PRRT1B: variants seen among roughly 807,000 people sequenced by gnomAD.
PRRT1B encodes proline rich transmembrane protein 1B.
rs185021120 is a variant in PRRT1B at position 131,551,164 on chromosome 9, A to G, written c.26-3393A>G. ...ACACCGTGTTAGCCAGGATGGTCTCAATCTCCTGACCTCATGATCCACCCG... is the reference window on the plus strand; with the variant it reads ...ACACCGTGTTAGCCAGGATGGTCTCGATCTCCTGACCTCATGATCCACCCG... On this transcript the variant is annotated intron_variant, in intron 1 of 3. Transcript: ENST00000636672. This position sits in a 1 kb window ranked among gnomAD's most constrained non-coding sequence, Gnocchi z 4.4. 9.7e-4 allele frequency among the ~76,000 whole-genome samples: 148 copies of G among 151,814 alleles called. No individual in the cohort carries two copies. Among genetic ancestry groups the G allele is most frequent in the African/African-American group, 3.4e-3 (139 of 41,414 alleles).
intron 1 of PRRT1B, among the ~76,000 whole-genome samples, chr9:131,548,097 C>T (rs1417234468): frequency 1.3e-5 from 2 of 152,128 alleles, no homozygotes; most frequent in South Asian, 2.1e-4. Context: ...AAGTCAATTG[C>T]GGGGATGCCT....
intron 1 of PRRT1B, among the ~76,000 whole-genome samples, chr9:131,552,443 T>C (rs1472543230): frequency 4.6e-5 from 7 of 152,254 alleles, no homozygotes; most frequent in Non-Finnish European, 1.0e-4. Flanking sequence ...GATTGTGTCC[T>C]GGACATTGTG....
intron 1 of PRRT1B, 39 bp from the exon 2 acceptor site, chr9:131,554,518 G>A (rs1461045690): frequency 7.8e-6 from 3 of 386,116 alleles, no homozygotes; most frequent in Non-Finnish European, 1.4e-5. Context: ...CACCTAGCCC[G>A]GCGGCCTCTT....
chr9:131,558,415 C>G, exon 4 of PRRT1B: 1 of 386,044 alleles, frequency 2.6e-6, no homozygotes, highest in East Asian at 3.7e-5. Flanking sequence ...ACTGGAGCCT[C>G]AGTCAGTGTC....
chr9:131,546,479 G>A (rs541751686), intron 1 of PRRT1B, among the ~76,000 whole-genome samples: 14 of 152,234 alleles, frequency 9.2e-5, no homozygotes, highest in African/African-American at 3.4e-4. Context: ...GCAGTGGGGC[G>A]GTGGCAGTGG....
chr9:131,549,531 CA>C (rs1212634061), intron 1 of PRRT1B, among the ~76,000 whole-genome samples: 19 of 152,344 alleles, frequency 1.2e-4, no homozygotes, highest in Admixed American at 8.5e-4. Flanking sequence ...GACTCCTTCC[CA>C]GATCTTCTTG....
chr9:131,546,152 C>T (rs1206212507), intron 1 of PRRT1B, among the ~76,000 whole-genome samples: 1 of 152,150 alleles, frequency 6.6e-6, no homozygotes, highest in Non-Finnish European at 1.5e-5. Flanking sequence ...CTCAGCTCAC[C>T]GCCCCGGCCA....
chr9:131,554,631 G>A, exon 2 of PRRT1B: 1 of 391,614 alleles, frequency 2.6e-6, no homozygotes, highest in East Asian at 3.6e-5. Context: ...CGCCGCCCCC[G>A]AGGATCCCCA....
At chr9:131,550,074 A>G (rs1404757591) in intron 1 of PRRT1B, among the ~76,000 whole-genome samples, 2 of 152,080 alleles carry the variant, frequency 1.3e-5, no homozygotes, top group Admixed American at 6.5e-5. Flanking sequence ...ATCCCACAGC[A>G]CGCTTTAAAA....
rs1951063554 is a variant in PRRT1B at position 131,558,249 on chromosome 9, A to G, written c.*47A>G. ...GCCGGATGCCGGAATGTCCACGGAA[A>G]ACTGGCCGGGCCAGACCCTTTCTCT... On this transcript the variant is annotated 3_prime_UTR_variant, in exon 4 of 4. Transcript: ENST00000636672. 3 of 400,818 alleles carry G rather than the reference A, an allele frequency of 7.5e-6. No individual in the cohort carries two copies. The South Asian group carries it at 3.8e-4, about 50-fold the overall frequency. 24.8% of individuals were successfully genotyped at this position (400,818 alleles called of 1,614,324 possible).
chr9:131,547,995 G>T (rs1950986898), intron 1 of PRRT1B, among the ~76,000 whole-genome samples: 1 of 152,154 alleles, frequency 6.6e-6, no homozygotes, highest in African/African-American at 2.4e-5. Context: ...TCATTGCGGG[G>T]ACTCCTGCCT....
intron 2 of PRRT1B, 73 bp from the exon 3 acceptor site, chr9:131,555,997 G>A (rs558813600): frequency 7.5e-6 from 3 of 399,184 alleles, no homozygotes; most frequent in African/African-American, 6.2e-5. Flanking sequence ...GCATGGCCTG[G>A]CTGGCCTTCT....
intron 2 of PRRT1B, among the ~76,000 whole-genome samples, 164 bp downstream of exon 2, chr9:131,555,193 G>A (rs1951040970): frequency 6.6e-6 from 1 of 151,986 alleles, no homozygotes; most frequent in African/African-American, 2.4e-5. Flanking sequence ...GGATGAATAG[G>A]AGGGCTAAGG....
chr9:131,556,873 T>C (rs1452634523), intron 3 of PRRT1B, among the ~76,000 whole-genome samples: 1 of 152,048 alleles, frequency 6.6e-6, no homozygotes, highest in Non-Finnish European at 1.5e-5. Flanking sequence ...CCTCAGGTGA[T>C]CCACTTGCCT....
At chr9:131,546,131 G>A (rs1289840083) in intron 1 of PRRT1B, among the ~76,000 whole-genome samples, 1 of 152,100 alleles carries the variant, frequency 6.6e-6, no homozygotes, top group Non-Finnish European at 1.5e-5. Flanking sequence ...CCCGTGTCCC[G>A]CCTCTGGCAG....
chr9:131,553,346 ATGTT>A (rs1434545740), intron 1 of PRRT1B, among the ~76,000 whole-genome samples: 1 of 152,242 alleles, frequency 6.6e-6, no homozygotes, highest in African/African-American at 2.4e-5. Context: ...TGCTTACAAA[ATGTT>A]TGTCAATGTG....
chr9:131,552,600 G>C (rs1314660501), intron 1 of PRRT1B, among the ~76,000 whole-genome samples: 1 of 151,914 alleles, frequency 6.6e-6, no homozygotes, highest in African/African-American at 2.4e-5. Context: ...ACTTGGGTCA[G>C]TTTTCAGAGT....
rs2132008763 is a variant in PRRT1B, at chr9:131,551,472, C to T, written c.26-3085C>T. 6.6e-6 allele frequency among the ~76,000 whole-genome samples: 1 copy of T among 152,152 alleles called. No homozygotes were observed. The highest frequency in any genetic ancestry group is 2.1e-4 in the South Asian group (1 of 4,816). ...ACCACCCCCAAAAAATTTTCGCTGC[C>T]CCAACACTTCAACATTATTTTGTTT... On this transcript the variant is annotated intron_variant, in intron 1 of 3. Transcript: ENST00000636672. The surrounding 1 kb of genome is among the most constrained non-coding windows in gnomAD (Gnocchi z 4.4).
chr9:131,552,609 GT>G (rs1426736540), intron 1 of PRRT1B, among the ~76,000 whole-genome samples: 13 of 150,792 alleles, frequency 8.6e-5, no homozygotes, highest in Non-Finnish European at 1.5e-4. Context: ...AGTTTTCAGA[GT>G]TTTTTTTTAG....
Sources: allele counts gnomAD v4.1 joint callset (sites outside exome capture counted in the v4.1 genomes callset), GRCh38; gene constraint gnomAD v4.1.1; non-coding constraint Gnocchi (gnomAD v3.1); transcripts MANE v1.5; gene names NCBI Gene and HGNC (gene_info 2026-07-23, HGNC 2026-07-21).